Variants in GALNT17 observed in about 807,000 individuals in gnomAD.
GALNT17 encodes the protein UDP-GalNAc:polypeptide N-acetylgalactosaminyltransferase-like 3.
GALNT17 carries 29 observed loss-of-function variants against 63.7 expected under a neutral mutation model. The ratio of observed to expected loss-of-function variants is 0.46; its 90% confidence interval spans 0.34 to 0.62. The LOEUF (loss-of-function observed/expected upper bound fraction) is 0.62. Among genes scored for constraint, GALNT17 ranks in the 20% least tolerant of loss-of-function variants. The pLI, the probability that GALNT17 is intolerant of heterozygous loss-of-function variation, is 0.01. For synonymous variants in GALNT17, 305 were observed against 318.3 expected, an observed-to-expected ratio of 0.96 and a Z score of 0.45; for missense variants, 603 against 799.6, an observed-to-expected ratio of 0.75 and a Z score of 2.97.
chr7:71,650,691 C>T (rs777499082), intron 6 of GALNT17, among the ~76,000 whole-genome samples: 36 of 152,122 alleles, frequency 2.4e-4, no homozygotes, highest in Non-Finnish European at 4.9e-4. Context: ...TAATTGTGCC[C>T]TACCAACTCC....
chr7:71,488,117 A>C (rs1787942725), intron 5 of GALNT17, among the ~76,000 whole-genome samples: 1 of 148,832 alleles, frequency 6.7e-6, no homozygotes, highest in Admixed American at 6.8e-5. Flanking sequence ...GCAGTGAGCT[A>C]TGATTTTGTC....
intron 1 of GALNT17, among the ~76,000 whole-genome samples, chr7:71,181,959 G>T (rs577054924): frequency 6.6e-6 from 1 of 152,132 alleles, no homozygotes; most frequent in African/African-American, 2.4e-5. Flanking sequence ...GCGGATCACC[G>T]GAGGTTGGGC....
intron 5 of GALNT17, among the ~76,000 whole-genome samples, chr7:71,468,921 C>G (rs974419073): frequency 2.0e-5 from 3 of 152,096 alleles, no homozygotes; most frequent in African/African-American, 7.2e-5. Context: ...GATCATAAAT[C>G]CCAACAGAAG....
intron 4 of GALNT17, among the ~76,000 whole-genome samples, chr7:71,419,679 G>A (rs1301290816): frequency 6.6e-6 from 1 of 152,138 alleles, no homozygotes; most frequent in African/African-American, 2.4e-5. Context: ...GGTGAGTGAG[G>A]TAGGAGAGAT....
chr7:71,275,811 A>G (rs958602816), intron 1 of GALNT17, among the ~76,000 whole-genome samples: 1 of 152,100 alleles, frequency 6.6e-6, no homozygotes, highest in African/African-American at 2.4e-5. Context: ...CTTACTGCCA[A>G]TGTTAGAAGC....
At chr7:71,328,813 G>A (rs1370817650) in intron 1 of GALNT17, among the ~76,000 whole-genome samples, 1 of 151,958 alleles carries the variant, frequency 6.6e-6, no homozygotes, top group Non-Finnish European at 1.5e-5. Context: ...CATAATGGAA[G>A]CAATAATGCC....
intron 1 of GALNT17, among the ~76,000 whole-genome samples, chr7:71,265,098 T>TTTTATATATATATATATATATATA (rs144493671): frequency 0.013 from 1,026 of 78,086 alleles, 178 homozygotes; most frequent in Non-Finnish European, 0.02. Flanking sequence ...CCCATAAATA[T>TTTTATATATATATATATATATATA]TATATATATA....
intron 6 of GALNT17, among the ~76,000 whole-genome samples, chr7:71,631,626 C>T (rs1043966035): frequency 6.6e-6 from 1 of 152,068 alleles, no homozygotes; most frequent in Non-Finnish European, 1.5e-5. Context: ...AGCAAGGAGG[C>T]CACTGTGGCC....
At chr7:71,587,535 C>T (rs550341939) in intron 6 of GALNT17, among the ~76,000 whole-genome samples, 7 of 151,988 alleles carry the variant, frequency 4.6e-5, no homozygotes, top group African/African-American at 1.7e-4. Context: ...GTGATATGTA[C>T]TATGTGAATA....
In GALNT17 at chr7:71,275,972, C is replaced by G. The variant is rs538057582; in HGVS notation, c.239-59578C>G. Among the ~76,000 whole-genome samples the G allele has an allele frequency of 3.3e-5, 5 of 152,358 alleles. No individual in the cohort carries two copies. In the South Asian group the frequency reaches 8.3e-4, roughly 25 times the overall value. On this transcript the variant is annotated intron_variant, in intron 1 of 10. Transcript: ENST00000333538. ...ACCAGCTCCTTAGCTACTTATACCC[C>G]TGGCCTACTTGTTTCATTTTCTTCA...
At chr7:71,516,477 G>A (rs1788447013) in intron 5 of GALNT17, among the ~76,000 whole-genome samples, 1 of 152,112 alleles carries the variant, frequency 6.6e-6, no homozygotes, top group African/African-American at 2.4e-5. Flanking sequence ...GTTGATTGCA[G>A]TACACCTGGA....
At chr7:71,231,861 A>G (rs1310093514) in intron 1 of GALNT17, among the ~76,000 whole-genome samples, 2 of 151,878 alleles carry the variant, frequency 1.3e-5, no homozygotes, top group Non-Finnish European at 2.9e-5. Flanking sequence ...ACACCATCTA[A>G]ACCTAATTAC....
chr7:71,341,951 AG>A (rs1792012943), intron 2 of GALNT17, among the ~76,000 whole-genome samples: 1 of 152,160 alleles, frequency 6.6e-6, no homozygotes, highest in African/African-American at 2.4e-5. Context: ...AGGAGGATGC[AG>A]GGCTCCAGGA....
chr7:71,313,586 A>T (rs1436778467), intron 1 of GALNT17, among the ~76,000 whole-genome samples: 1 of 152,222 alleles, frequency 6.6e-6, no homozygotes, highest in Non-Finnish European at 1.5e-5. Flanking sequence ...GAAAAAAAAT[A>T]ACTTCAATGT....
At chr7:71,441,718 T>G (rs1470122278) in intron 5 of GALNT17, among the ~76,000 whole-genome samples, 2 of 152,220 alleles carry the variant, frequency 1.3e-5, no homozygotes, top group South Asian at 2.1e-4. Context: ...CTCCCACTTA[T>G]GAGTGAGAAC....
intron 1 of GALNT17, among the ~76,000 whole-genome samples, chr7:71,325,795 T>G (rs1358513320): frequency 6.6e-6 from 1 of 152,162 alleles, no homozygotes; most frequent in African/African-American, 2.4e-5. Context: ...GCTCCATCAT[T>G]CACACAAGAT....
At chr7:71,540,125 T>TTTTG (rs1788865535) in intron 5 of GALNT17, among the ~76,000 whole-genome samples, 1 of 120,750 alleles carries the variant, frequency 8.3e-6, no homozygotes, top group Admixed American at 8.8e-5. Flanking sequence ...TTTTTTTTTT[T>TTTTG]TTTGATGGAG....
At chr7:71,315,816 A>G (rs533199494) in intron 1 of GALNT17, among the ~76,000 whole-genome samples, 220 of 152,238 alleles carry the variant, frequency 1.4e-3, no homozygotes, top group African/African-American at 5.2e-3. Context: ...CTGTTTCCAC[A>G]GACTCTGACC....
chr7:71,447,400 G>T (rs534591358), intron 5 of GALNT17, among the ~76,000 whole-genome samples: 1 of 152,274 alleles, frequency 6.6e-6, no homozygotes, highest in East Asian at 1.9e-4. Context: ...AACTTTTTGA[G>T]TGTCCACATA....
Sources: gnomAD v4.1 joint callset for allele counts (sites outside exome capture counted in the v4.1 genomes callset) on GRCh38, gnomAD v4.1.1 for gene constraint, MANE v1.5 for transcripts, NCBI Gene and HGNC (gene_info 2026-07-23, HGNC 2026-07-21) for gene names.